The following AGMO variants were observed in gnomAD, a reference collection of about 807,000 sequenced individuals.
AGMO encodes the protein glyceryl-ether monooxygenase.
In AGMO, 75 loss-of-function variants were observed where a neutral mutation model predicts 60.2. The ratio of observed to expected loss-of-function variants is 1.25; its 90% CI spans 1.03 to 1.51. AGMO has a LOEUF of 1.51. Ranked by LOEUF, AGMO falls within the 40% of genes most tolerant of loss-of-function variation. The pLI, the probability that AGMO is intolerant of heterozygous loss-of-function variation, is 0.00. For synonymous variants in AGMO, 261 were observed against 177.1 expected, an observed-to-expected ratio of 1.47 and a Z score of -3.76; for missense variants, 763 against 525.5, an observed-to-expected ratio of 1.45 and a Z score of -4.42.
intron 3 of AGMO, among the ~76,000 whole-genome samples, chr7:15,505,388 G>A (rs192970721): frequency 1.3e-5 from 2 of 152,000 alleles, no homozygotes. Context: ...GTGTCTGTCT[G>A]GTTGAAATGC....
chr7:15,405,028 T>C (rs10240275), intron 5 of AGMO, among the ~76,000 whole-genome samples: 16,019 of 151,904 alleles, frequency 0.11, 1,305 homozygotes, highest in African/African-American at 0.22. Context: ...TATAAGGACT[T>C]ACACGTCTTA....
At chr7:15,374,465 T>G (rs1331145312) in intron 10 of AGMO, among the ~76,000 whole-genome samples, 1 of 152,114 alleles carries the variant, frequency 6.6e-6, no homozygotes, top group Non-Finnish European at 1.5e-5. Context: ...AGCCAAAGAT[T>G]ACATTGTATT....
At position 15,359,420 on chromosome 7, in the gene AGMO, G is replaced by C. The variant is rs76996235; in HGVS notation, c.1263+6094C>G. The stretch of plus-strand genomic sequence containing the variant: ...TAATGTGTGGTTTTCTATTACTGTA[G>C]TGAAAACATTTCATTTAAAAGAAAT... On this transcript the variant is annotated intron_variant, in intron 12 of 12. Transcript: ENST00000342526. Among the ~76,000 whole-genome samples, 12 of 151,842 alleles carry C rather than the reference G, an allele frequency of 7.9e-5. No individual in the cohort carries two copies. In the South Asian group the frequency reaches 2.5e-3, roughly 32 times the overall value.
chr7:15,416,741 T>C (rs1251792423), intron 5 of AGMO, among the ~76,000 whole-genome samples: 2 of 152,222 alleles, frequency 1.3e-5, no homozygotes, highest in African/African-American at 2.4e-5. Flanking sequence ...TAGGGTTTCA[T>C]ACAATTTACA....
At chr7:15,325,478 ACAAAC>A (rs1781309556) in intron 12 of AGMO, among the ~76,000 whole-genome samples, 1 of 152,124 alleles carries the variant, frequency 6.6e-6, no homozygotes, top group Non-Finnish European at 1.5e-5. Context: ...TGTTTTTTAA[ACAAAC>A]TTCTCTCACA....
intron 5 of AGMO, among the ~76,000 whole-genome samples, chr7:15,416,027 C>CTTTTCTTTTT (rs1554269474): frequency 7.6e-6 from 1 of 130,894 alleles, no homozygotes; most frequent in Non-Finnish European, 1.6e-5. Context: ...TTCTTTTTTT[C>CTTTTCTTTTT]TTTTTTTTTT....
At chr7:15,355,412 A>C (rs1782488420) in intron 12 of AGMO, among the ~76,000 whole-genome samples, 1 of 150,264 alleles carries the variant, frequency 6.7e-6, no homozygotes, top group African/African-American at 2.4e-5. Context: ...CTGAGGAAGG[A>C]GAACAGCGTG....
At position 15,239,149 on chromosome 7, in the gene AGMO, T is replaced by C. The variant is rs180820268; in HGVS notation, c.1264-37790A>G. On this transcript the variant is annotated intron_variant, in intron 12 of 12. Transcript: ENST00000342526. ...GCTCTCCAAGCACCATCAACACAAC[T>C]TGTTGATGAGAAAAGGCTGAGATTG... Among the ~76,000 whole-genome samples the C allele has an allele frequency of 4.6e-4, 70 of 152,194 alleles. 1 individual carries two copies. In the Middle Eastern group the frequency reaches 0.027, roughly 59 times the overall value.
At chr7:15,223,548 C>T (rs374634209) in intron 12 of AGMO, among the ~76,000 whole-genome samples, 2 of 151,702 alleles carry the variant, frequency 1.3e-5, no homozygotes, top group African/African-American at 4.8e-5. Context: ...TATTAAATGT[C>T]CAATAAGGGA....
chr7:15,467,538 C>T (rs1405247597), intron 3 of AGMO, among the ~76,000 whole-genome samples: 1 of 152,130 alleles, frequency 6.6e-6, no homozygotes, highest in African/African-American at 2.4e-5. Context: ...TAAATACACA[C>T]AAAAGGACTA....
At chr7:15,211,261 CTA>C (rs1563036673) in intron 12 of AGMO, among the ~76,000 whole-genome samples, 1 of 151,830 alleles carries the variant, frequency 6.6e-6, no homozygotes, top group African/African-American at 2.4e-5. Flanking sequence ...ATAAGAGAGA[CTA>C]TTATGCTACT....
intron 5 of AGMO, among the ~76,000 whole-genome samples, chr7:15,411,799 T>C (rs529444305): frequency 1.8e-4 from 28 of 152,234 alleles, no homozygotes; most frequent in African/African-American, 6.5e-4. Flanking sequence ...AAATAGTATG[T>C]ATTTTTTTCT....
intron 12 of AGMO, among the ~76,000 whole-genome samples, chr7:15,354,407 C>CAG (rs1782403896): frequency 3.6e-4 from 7 of 19,262 alleles, no homozygotes; most frequent in Non-Finnish European, 4.1e-4. Flanking sequence ...CGTGTGTGTA[C>CAG]ACACGTGTGT....
downstream of AGMO, among the ~76,000 whole-genome samples, chr7:15,199,274 T>C (rs1781212261): frequency 6.6e-6 from 1 of 152,152 alleles, no homozygotes; most frequent in East Asian, 1.9e-4. Flanking sequence ...GTATTTCTAA[T>C]AGAAAACCAT....
intron 3 of AGMO, among the ~76,000 whole-genome samples, chr7:15,495,528 T>C (rs1299163158): frequency 6.6e-6 from 1 of 152,190 alleles, no homozygotes; most frequent in Non-Finnish European, 1.5e-5. Flanking sequence ...ACAAAGTAAC[T>C]AGCAGGGAAA....
chr7:15,453,370 G>A (rs576871913), intron 3 of AGMO, among the ~76,000 whole-genome samples: 96 of 152,264 alleles, frequency 6.3e-4, no homozygotes, highest in African/African-American at 2.3e-3. Context: ...TCTATTCTAA[G>A]TAATGTGGAC....
chr7:15,393,212 T>TTC (rs748164558), intron 6 of AGMO, among the ~76,000 whole-genome samples: 1 of 152,226 alleles, frequency 6.6e-6, no homozygotes, highest in Non-Finnish European at 1.5e-5. Context: ...GGGAGTCCCC[T>TTC]TCTACTCGAC....
intron 12 of AGMO, among the ~76,000 whole-genome samples, chr7:15,302,450 C>G (rs1019226579): frequency 1.3e-5 from 2 of 152,060 alleles, no homozygotes; most frequent in Non-Finnish European, 2.9e-5. Flanking sequence ...GTATTTCCAC[C>G]AGATTTTATT....
intron 4 of AGMO, among the ~76,000 whole-genome samples, chr7:15,427,112 AG>A (rs1203011860): frequency 6.6e-6 from 1 of 152,170 alleles, no homozygotes; most frequent in African/African-American, 2.4e-5. Flanking sequence ...TCCAGTTAAA[AG>A]TAATATTGGC....
Sources: gnomAD v4.1 joint callset for allele counts (sites outside exome capture counted in the v4.1 genomes callset) on GRCh38, gnomAD v4.1.1 for gene constraint, MANE v1.5 for transcripts, NCBI Gene and HGNC (gene_info 2026-07-23, HGNC 2026-07-21) for gene names.